GRIA4: variants seen among roughly 807,000 people sequenced by gnomAD.
GRIA4 encodes glutamate ionotropic receptor AMPA type subunit 4, also known as glutamate receptor 4.
In GRIA4, 34 loss-of-function variants were observed where a neutral mutation model predicts 104.0. The observed-to-expected ratio is 0.33, with a 90% CI of 0.25 to 0.44. The LOEUF (loss-of-function observed/expected upper bound fraction) is 0.44. GRIA4 is among the 20% of genes least tolerant of loss of function. The pLI is 1.00. For missense variants in GRIA4, 750 were observed against 1,096.5 expected (o/e 0.68, Z 4.46); for synonymous variants, 386 against 381.9 (o/e 1.01, Z -0.13).
chr11:105,651,245 T>G (rs1221180530), intron 3 of GRIA4, among the ~76,000 whole-genome samples: 6 of 152,162 alleles, frequency 3.9e-5, no homozygotes, highest in African/African-American at 1.4e-4. Flanking sequence ...TCAAGTAATA[T>G]TTTCCTTAAA....
intron 4 of GRIA4, among the ~76,000 whole-genome samples, chr11:105,834,051 T>C (rs1944084416): frequency 6.6e-6 from 1 of 152,040 alleles, no homozygotes; most frequent in Non-Finnish European, 1.5e-5. Flanking sequence ...TGTTGTAAAA[T>C]GTGTTAATTG....
intron 3 of GRIA4, among the ~76,000 whole-genome samples, chr11:105,657,148 A>G (rs1411947331): frequency 1.3e-5 from 2 of 152,036 alleles, no homozygotes; most frequent in Non-Finnish European, 2.9e-5. Context: ...GGATGTGGTA[A>G]CCTTCAGTTC....
chr11:105,871,972 A>T (rs1020312251), intron 5 of GRIA4, among the ~76,000 whole-genome samples: 2 of 152,118 alleles, frequency 1.3e-5, no homozygotes, highest in Non-Finnish European at 2.9e-5. Context: ...AAAGCAACAT[A>T]AAGTCAGAAA....
chr11:105,625,591 C>A (rs181310733), intron 3 of GRIA4, among the ~76,000 whole-genome samples: 19 of 152,212 alleles, frequency 1.2e-4, no homozygotes, highest in African/African-American at 4.6e-4. Flanking sequence ...TAAATTAACT[C>A]ACACAATACA....
At chr11:105,635,416 T>C (rs1400575156) in intron 3 of GRIA4, among the ~76,000 whole-genome samples, 1 of 152,164 alleles carries the variant, frequency 6.6e-6, no homozygotes, top group Non-Finnish European at 1.5e-5. Flanking sequence ...AGCTCCATAG[T>C]AACTGCCAAG....
At chr11:105,887,802 G>T (rs956400894) in intron 6 of GRIA4, among the ~76,000 whole-genome samples, 8 of 152,018 alleles carry the variant, frequency 5.3e-5, no homozygotes, top group Non-Finnish European at 1.2e-4. Flanking sequence ...AAATGATAAT[G>T]GTTACTTTGC....
intron 3 of GRIA4, among the ~76,000 whole-genome samples, chr11:105,688,261 T>G (rs1952963445): frequency 6.6e-6 from 1 of 151,712 alleles, no homozygotes; most frequent in Admixed American, 6.6e-5. Flanking sequence ...GAAAGATAGG[T>G]TAAAAATAAA....
intron 4 of GRIA4, among the ~76,000 whole-genome samples, chr11:105,860,371 A>G (rs192180131): frequency 6.6e-6 from 1 of 152,222 alleles, no homozygotes; most frequent in East Asian, 1.9e-4. Flanking sequence ...AACTCAACAA[A>G]TATGCCCTAA....
At chr11:105,627,182 G>A (rs1408721998) in intron 3 of GRIA4, among the ~76,000 whole-genome samples, 1 of 152,128 alleles carries the variant, frequency 6.6e-6, no homozygotes, top group Non-Finnish European at 1.5e-5. Flanking sequence ...ATACTCTAAA[G>A]AGAAAGAAAA....
At chr11:105,802,143 A>C (rs1436456810) in intron 4 of GRIA4, among the ~76,000 whole-genome samples, 1 of 152,122 alleles carries the variant, frequency 6.6e-6, no homozygotes, top group African/African-American at 2.4e-5. Context: ...TTATAAGCCC[A>C]GGGCATCTGA....
intron 6 of GRIA4, among the ~76,000 whole-genome samples, chr11:105,894,653 G>A (rs543699765): frequency 1.3e-5 from 2 of 152,234 alleles, no homozygotes; most frequent in South Asian, 4.1e-4. Flanking sequence ...AAAGGAGGAG[G>A]AGGAGGAGGG....
chr11:105,774,439 A>G (rs1472603773), intron 4 of GRIA4, among the ~76,000 whole-genome samples: 2 of 152,082 alleles, frequency 1.3e-5, no homozygotes, highest in Non-Finnish European at 2.9e-5. Flanking sequence ...TGAAATAATA[A>G]AAGTGGAAAT....
chr11:105,733,479 C>T (rs1024742812), intron 3 of GRIA4, among the ~76,000 whole-genome samples: 1 of 151,952 alleles, frequency 6.6e-6, no homozygotes, highest in African/African-American at 2.4e-5. Context: ...CTTTTTGAGA[C>T]GGAGTCTGGC....
chr11:105,775,658 A>G (rs1290857707), intron 4 of GRIA4, among the ~76,000 whole-genome samples: 1 of 152,134 alleles, frequency 6.6e-6, no homozygotes, highest in African/African-American at 2.4e-5. Context: ...AAAACAGACA[A>G]AAATATAAGC....
chr11:105,684,239 G>A (rs1311547879), intron 3 of GRIA4, among the ~76,000 whole-genome samples: 2 of 152,078 alleles, frequency 1.3e-5, no homozygotes, highest in South Asian at 2.1e-4. Flanking sequence ...AGTAACAGAA[G>A]TATGATCGTG....
At position 105,668,519 on chromosome 11, in the gene GRIA4, A is replaced by T. The variant is rs1257313226; in HGVS notation, c.247+56085A>T. Among the ~76,000 whole-genome samples, 5 of 151,504 alleles carry T rather than the reference A, an allele frequency of 3.3e-5. No homozygotes were observed. The East Asian group carries it at 9.7e-4, about 29-fold the overall frequency. The stretch of plus-strand genomic sequence containing the variant: ...TTTCCTTCAGGTATACACCCAACAG[A>T]GGGGCTGCTGGCTCATAGGGTAGTT... On this transcript the variant is annotated intron_variant, in intron 3 of 16. Transcript: ENST00000282499.
At chr11:105,677,832 G>A (rs905185629) in intron 3 of GRIA4, among the ~76,000 whole-genome samples, 1 of 151,976 alleles carries the variant, frequency 6.6e-6, no homozygotes, top group Non-Finnish European at 1.5e-5. Flanking sequence ...AGGCTAGTAT[G>A]GTTAATGTGC....
At chr11:105,888,303 A>T (rs1239774882) in intron 6 of GRIA4, among the ~76,000 whole-genome samples, 4 of 1,592 alleles carry the variant, frequency 2.5e-3, no homozygotes, top group Non-Finnish European at 4.0e-3. Context: ...TTTTTTTTTG[A>T]GACGGAGTCT....
intron 4 of GRIA4, among the ~76,000 whole-genome samples, chr11:105,830,706 A>C (rs1007558512): frequency 6.6e-6 from 1 of 152,068 alleles, no homozygotes; most frequent in Admixed American, 6.6e-5. Flanking sequence ...AATTGGACAT[A>C]GGCATAACAC....
Sources: gnomAD v4.1 joint callset for allele counts (sites outside exome capture counted in the v4.1 genomes callset) on GRCh38, gnomAD v4.1.1 for gene constraint, MANE v1.5 for transcripts, NCBI Gene and HGNC (gene_info 2026-07-23, HGNC 2026-07-21) for gene names.